COL10A1: variants seen among roughly 807,000 people sequenced by gnomAD.
COL10A1 encodes the protein collagen type X alpha 1 chain, also known as collagen alpha-1(X) chain.
A neutral mutation model predicts 18.2 loss-of-function variants in COL10A1; 10 were observed. The observed-to-expected ratio is 0.55, with a 90% CI of 0.34 to 0.93. The LOEUF (loss-of-function observed/expected upper bound fraction) is 0.93. Ranked by LOEUF, COL10A1 falls within the 40% of genes least tolerant of loss-of-function variation. COL10A1 has a pLI of 0.02. For missense variants in COL10A1, 897 were observed against 853.5 expected (o/e 1.05, Z -0.64); for synonymous variants, 330 against 316.6 (o/e 1.04, Z -0.45).
upstream of COL10A1, among the ~76,000 whole-genome samples, chr6:116,163,126 C>CAAAAAAAA (rs71272373): frequency 4.6e-3 from 385 of 84,186 alleles, 16 homozygotes; most frequent in African/African-American, 0.02. Flanking sequence ...GACTCCGTCT[C>CAAAAAAAA]AAAAAAAAAA....
chr6:116,134,490 A>C (rs149695713), intron 1 of COL10A1, among the ~76,000 whole-genome samples: 11 of 152,332 alleles, frequency 7.2e-5, no homozygotes, highest in Middle Eastern at 3.4e-3. Context: ...GCCTGTTATA[A>C]GGCATAGACC....
the COL10A1 span, among the ~76,000 whole-genome samples, chr6:116,166,394 A>G: frequency 6.6e-6 from 1 of 152,220 alleles, no homozygotes; most frequent in African/African-American, 2.4e-5. Flanking sequence ...AGTTCTAATT[A>G]AAAACATAAA....
At chr6:116,196,271 A>G in the COL10A1 span, among the ~76,000 whole-genome samples, 1 of 152,034 alleles carries the variant, frequency 6.6e-6, no homozygotes, top group Non-Finnish European at 1.5e-5. Flanking sequence ...TATATTTTCC[A>G]TATCACATTT....
Position 116,126,024 on chromosome 6 carries a change from T to C in COL10A1, c.-16+29A>G, listed in dbSNP as rs540471131. 5.8e-5 allele frequency: 9 copies of C among 156,394 alleles called. No individual in the cohort carries two copies. The South Asian group carries it at 1.4e-3, about 24-fold the overall frequency. The allele number at this position is 156,394 out of a possible 1,614,324, so 9.7% of individuals were successfully genotyped here. A position where few individuals can be genotyped will look rare whatever the true frequency, so the allele number is the denominator to read the frequency against. On this transcript the variant is annotated intron_variant, in intron 1 of 2. Transcript: ENST00000651968. ...AAGTTTCTTTCCAAGCAAGTTAACA[T>C]GGAAGTCCACCAGTAAGCGTACGCT... is the stretch of plus-strand genomic sequence containing the variant.
At chr6:116,131,419 C>G (rs1779460988) in intron 1 of COL10A1, among the ~76,000 whole-genome samples, 1 of 152,122 alleles carries the variant, frequency 6.6e-6, no homozygotes, top group African/African-American at 2.4e-5. Context: ...ATATCCCTCC[C>G]AACTTCTTAA....
chr6:116,166,568 A>G, the COL10A1 span, among the ~76,000 whole-genome samples: 11 of 152,208 alleles, frequency 7.2e-5, no homozygotes, highest in Non-Finnish European at 1.6e-4. Flanking sequence ...AACTCCTGGC[A>G]TCGATCTCCA....
chr6:116,171,494 T>A, the COL10A1 span, among the ~76,000 whole-genome samples: 2 of 152,224 alleles, frequency 1.3e-5, no homozygotes, highest in African/African-American at 4.8e-5. Flanking sequence ...ATAATCAGAT[T>A]TCAGACTGGT....
chr6:116,142,746 GC>G (rs1410045418), intron 1 of COL10A1, among the ~76,000 whole-genome samples: 2 of 152,150 alleles, frequency 1.3e-5, no homozygotes, highest in African/African-American at 4.8e-5. Flanking sequence ...ATTTGGGACT[GC>G]TTTTCTTGTT....
chr6:116,156,890 TCTC>T (rs1268361543), intron 1 of COL10A1, among the ~76,000 whole-genome samples: 1 of 152,130 alleles, frequency 6.6e-6, no homozygotes, highest in East Asian at 1.9e-4. Flanking sequence ...CCCCTTTTGT[TCTC>T]CTCAGGAGCC....
At chr6:116,169,814 G>A in the COL10A1 span, among the ~76,000 whole-genome samples, 18 of 152,310 alleles carry the variant, frequency 1.2e-4, no homozygotes, top group African/African-American at 4.3e-4. Flanking sequence ...GATTGAAAGT[G>A]TGTATAGATG....
Position 116,119,772 on chromosome 6 carries a change from T to G in COL10A1, c.*301A>C. On this transcript the variant is annotated 3_prime_UTR_variant, in exon 3 of 3. Coordinates refer to ENST00000651968, the MANE Select transcript of COL10A1 (RefSeq NM_000493.4). ...TTTTTTTTTAATTTTTTTTTTGTTGTTTGTTTTTTGTTGTTTGTTTTTAAC... is the reference window on the plus strand; with the variant it reads ...TTTTTTTTTAATTTTTTTTTTGTTGGTTGTTTTTTGTTGTTTGTTTTTAAC... The G allele has an allele frequency of 8.0e-6, 2 of 250,720 alleles. No individual in the cohort carries two copies. Among genetic ancestry groups the G allele is most frequent in the Non-Finnish European group, 1.5e-5 (2 of 131,632 alleles). The allele number at this position is 250,720 out of a possible 1,614,324, so 15.5% of individuals were successfully genotyped here. A position where few individuals can be genotyped will look rare whatever the true frequency, so the allele number is the denominator to read the frequency against.
chr6:116,141,992 CAA>C (rs1779778459), intron 1 of COL10A1, among the ~76,000 whole-genome samples: 1 of 151,172 alleles, frequency 6.6e-6, no homozygotes, highest in African/African-American at 2.4e-5. Flanking sequence ...AAAATTTTGA[CAA>C]AGTTACTTAG....
At chr6:116,129,594 C>G (rs112946082), upstream of COL10A1, among the ~76,000 whole-genome samples, 2 of 152,206 alleles carry the variant, frequency 1.3e-5, no homozygotes, top group Non-Finnish European at 2.9e-5. Context: ...CCATGCGATA[C>G]TACAGCATGA....
At chr6:116,208,987 G>C in the COL10A1 span, among the ~76,000 whole-genome samples, 2 of 151,960 alleles carry the variant, frequency 1.3e-5, no homozygotes, top group Non-Finnish European at 2.9e-5. Flanking sequence ...TCTTTCATTA[G>C]TTTGATCACA....
At chr6:116,198,208 G>A in the COL10A1 span, among the ~76,000 whole-genome samples, 2 of 151,970 alleles carry the variant, frequency 1.3e-5, no homozygotes, top group Admixed American at 6.6e-5. Flanking sequence ...ACAGTTTCTG[G>A]GTAACAGCCA....
At chr6:116,161,986 G>A (rs1780345132), upstream of COL10A1, among the ~76,000 whole-genome samples, 1 of 152,044 alleles carries the variant, frequency 6.6e-6, no homozygotes, top group African/African-American at 2.4e-5. Flanking sequence ...TTGTAAATGG[G>A]ATTTTCACCA....
intron 1 of COL10A1, chr6:116,145,412 T>C: frequency 5.8e-6 from 2 of 345,804 alleles, no homozygotes; most frequent in South Asian, 4.7e-5. Context: ...AATGCAAAAC[T>C]TTTTCTGTTC....
chr6:116,190,109 T>C, the COL10A1 span, among the ~76,000 whole-genome samples: 1 of 151,932 alleles, frequency 6.6e-6, no homozygotes, highest in Non-Finnish European at 1.5e-5. Context: ...ACAGAGCTTG[T>C]AGTGGATATT....
At chr6:116,209,424 A>G in the COL10A1 span, among the ~76,000 whole-genome samples, 3 of 152,060 alleles carry the variant, frequency 2.0e-5, no homozygotes, top group Admixed American at 6.6e-5. Context: ...TATTAGGAGT[A>G]TAAACATGAA....
Sources: allele counts gnomAD v4.1 joint callset (sites outside exome capture counted in the v4.1 genomes callset), GRCh38; gene constraint gnomAD v4.1.1; transcripts MANE v1.5; gene names NCBI Gene and HGNC (gene_info 2026-07-23, HGNC 2026-07-21).